The following GATM variants were observed in gnomAD, a reference collection of about 807,000 sequenced individuals.
The protein encoded by GATM is glycine amidinotransferase, mitochondrial.
GATM carries 23 observed loss-of-function variants against 54.2 expected under a neutral mutation model. The ratio of observed to expected loss-of-function variants is 0.42; its 90% CI spans 0.31 to 0.60. GATM has a LOEUF of 0.60. GATM is among the 20% of genes least tolerant of loss of function. GATM has a pLI of 0.14. For synonymous variants in GATM, 168 were observed against 183.1 expected (o/e 0.92, Z 0.67); for missense variants, 401 against 544.9 (o/e 0.74, Z 2.63).
chr15:45,389,526 C>T lies in GATM; in HGVS notation c.-319+7396G>A, dbSNP rs551449533. ...TGGCACAATCTGGGCTCACTGCAAG[C>T]TCCACCTCCCAGGCTGAAGTGATCC... On this transcript the variant is annotated intron_variant, in intron 3 of 4. Coordinates refer to the GATM transcript ENST00000561148. Among the ~76,000 whole-genome samples the T allele has an allele frequency of 4.6e-5, 7 of 152,334 alleles. No homozygotes were observed. The East Asian group carries it at 1.4e-3, about 29-fold the overall frequency.
Position 45,363,114 on chromosome 15 carries a change from A to C in GATM, c.1159+786T>G, listed in dbSNP as rs1211412142. On this transcript the variant is annotated intron_variant, in intron 8 of 8. Coordinates refer to ENST00000396659, the MANE Select transcript of GATM (RefSeq NM_001482.3). ...CCTGGCCAAGCCCCTCTCTACTAAA[A>C]ATACAAAATTAGCCAGGCATGGTGG... Among the ~76,000 whole-genome samples the C allele has an allele frequency of 2.0e-5, 3 of 152,110 alleles. No homozygotes were observed. The East Asian group carries it at 5.8e-4, about 29-fold the overall frequency.
At chr15:45,367,471 A>T (rs971555557) in intron 4 of GATM, among the ~76,000 whole-genome samples, 2 of 152,226 alleles carry the variant, frequency 1.3e-5, no homozygotes, top group Non-Finnish European at 2.9e-5. Flanking sequence ...CTTAACTCAT[A>T]CCATAAAACG....
In GATM at chr15:45,393,653, C is replaced by T. The variant is rs141535317; in HGVS notation, c.-319+3269G>A. On this transcript the variant is annotated intron_variant, in intron 3 of 4. Transcript: ENST00000561148. Reference sequence around the variant, plus strand: ...ATGAACATCATACAGGTTGAGTATCCCTTATCTGAAGTGCTTGGGACCAGA... The same window carrying T: ...ATGAACATCATACAGGTTGAGTATCTCTTATCTGAAGTGCTTGGGACCAGA... 5.4e-3 allele frequency among the ~76,000 whole-genome samples: 829 copies of T among 152,118 alleles called. 8 individuals are homozygous for T. The highest frequency in any genetic ancestry group is 7.1e-3 in the Non-Finnish European group (482 of 67,982).
chr15:45,389,704 A>T (rs985482309), intron 3 of GATM, among the ~76,000 whole-genome samples: 1 of 152,182 alleles, frequency 6.6e-6, no homozygotes, highest in African/African-American at 2.4e-5. Flanking sequence ...GTAGTGGTAC[A>T]GAAAGTCTCA....
chr15:45,394,259 T>C (rs931954893), intron 3 of GATM, among the ~76,000 whole-genome samples: 8 of 152,180 alleles, frequency 5.3e-5, no homozygotes, highest in Admixed American at 1.3e-4. Context: ...GCAGAGGATC[T>C]AGGTTGTGCG....
rs748841641 is a variant in GATM at position 45,366,060 on chromosome 15, G to T, written c.964C>A (p.Arg322=). The change falls in exon 6 of 9, where the codon CGA becomes AGA. Residue 322 remains arginine (R), a synonymous_variant. Transcript: ENST00000396659. ...GPGIVLSNPD[R]PCHQIDLFKK... Reference sequence around the variant, plus strand: ...AAATCTCTTACCTGGTGACATGGTCGGTCAGGGTTGGAAAGCACAATACCA... The same window carrying T: ...AAATCTCTTACCTGGTGACATGGTCTGTCAGGGTTGGAAAGCACAATACCA... 8.7e-6 allele frequency: 14 copies of T among 1,614,048 alleles called. No individual in the cohort carries two copies. In the East Asian group the frequency reaches 1.3e-4, roughly 15 times the overall value.
Position 45,361,668 on chromosome 15 carries a change from AT to A in GATM, c.*440del, listed in dbSNP as rs923874055. 8.5e-5 allele frequency: 30 copies of A among 353,496 alleles called. No homozygotes were observed. Among genetic ancestry groups the A allele is most frequent in the African/African-American group, 5.9e-4 (28 of 47,802 alleles). The allele number at this position is 353,496 out of a possible 1,614,324, so 21.9% of individuals were successfully genotyped here. ...AGAAAAAAAGAGATAATCTGATTCT[AT>A]TTTGGATCTGTGTACATTCTAAGTC... On this transcript the variant is annotated 3_prime_UTR_variant, in exon 9 of 9. Coordinates refer to ENST00000396659, the MANE Select transcript of GATM (RefSeq NM_001482.3).
At chr15:45,393,079 T>G (rs1327503014) in intron 3 of GATM, among the ~76,000 whole-genome samples, 1 of 152,254 alleles carries the variant, frequency 6.6e-6, no homozygotes. Context: ...ATCATGATAT[T>G]GTGGTATTCC....
At chr15:45,383,832 A>G (rs1173311678) in intron 3 of GATM, among the ~76,000 whole-genome samples, 2 of 152,140 alleles carry the variant, frequency 1.3e-5, no homozygotes, top group Non-Finnish European at 2.9e-5. Flanking sequence ...ATGAGCCACC[A>G]TGCCCGGCCA....
chr15:45,393,070 T>A (rs959786714), intron 3 of GATM, among the ~76,000 whole-genome samples: 1 of 152,254 alleles, frequency 6.6e-6, no homozygotes, highest in Non-Finnish European at 1.5e-5. Flanking sequence ...AATTTAGTTA[T>A]CATGATATTG....
chr15:45,367,996 G>T, intron 4 of GATM, 74 bp downstream of exon 4: 1 of 1,325,378 alleles, frequency 7.5e-7, no homozygotes, highest in Non-Finnish European at 1.1e-6. Context: ...CAAGGTATCA[G>T]AGAATCTCTA....
intron 3 of GATM, among the ~76,000 whole-genome samples, chr15:45,384,650 C>T (rs1889785590): frequency 6.6e-6 from 1 of 152,140 alleles, no homozygotes; most frequent in South Asian, 2.1e-4. Flanking sequence ...GCTAAAATAG[C>T]TCCACTCACG....
chr15:45,391,732 T>C (rs559666956), intron 3 of GATM, among the ~76,000 whole-genome samples: 18 of 152,362 alleles, frequency 1.2e-4, no homozygotes, highest in Admixed American at 8.5e-4. Context: ...AACAAATTTA[T>C]ATTAGAGTTG....
chr15:45,377,251 A>C (rs773385251), intron 1 of GATM: 1 of 483,400 alleles, frequency 2.1e-6, no homozygotes, highest in East Asian at 6.0e-5. Flanking sequence ...TAAGTATCAA[A>C]GGTTACCAAT....
At chr15:45,371,334 T>G (rs1345587530) in intron 2 of GATM, among the ~76,000 whole-genome samples, 1 of 152,240 alleles carries the variant, frequency 6.6e-6, no homozygotes, top group Non-Finnish European at 1.5e-5. Context: ...TTTTAAGTGT[T>G]TTAATTTAAA....
intron 2 of GATM, among the ~76,000 whole-genome samples, chr15:45,399,081 C>T (rs760470540): frequency 4.6e-5 from 7 of 152,088 alleles, no homozygotes; most frequent in Non-Finnish European, 1.0e-4. Context: ...TGTACCTTTT[C>T]GGGAAAATCT....
chr15:45,372,910 T>C (rs140720392), intron 2 of GATM, among the ~76,000 whole-genome samples: 6 of 152,334 alleles, frequency 3.9e-5, no homozygotes, highest in Non-Finnish European at 7.3e-5. Flanking sequence ...ATTCACCAAG[T>C]TGTTTGCAAG....
In GATM at chr15:45,361,877, A is replaced by G. The variant is rs962304755; in HGVS notation, c.*232T>C. The G allele has an allele frequency of 7.3e-6, 4 of 551,554 alleles. No individual in the cohort carries two copies. Among genetic ancestry groups the G allele is most frequent in the Non-Finnish European group, 1.3e-5 (4 of 312,328 alleles). The allele number at this position is 551,554 out of a possible 1,614,324, so 34.2% of individuals were successfully genotyped here. A position where few individuals can be genotyped will look rare whatever the true frequency, so the allele number is the denominator to read the frequency against. On this transcript the variant is annotated 3_prime_UTR_variant, in exon 9 of 9. Transcript: ENST00000396659. ...CTTGGTACACATTCACCAAAATTTT[A>G]TACTTGAAGCCAAATAGTAAATAAC...
intron 2 of GATM, among the ~76,000 whole-genome samples, chr15:45,398,117 T>C (rs897300796): frequency 1.3e-5 from 2 of 152,252 alleles, no homozygotes; most frequent in Non-Finnish European, 2.9e-5. Flanking sequence ...TTCTTCAATG[T>C]TTGACTTCCC....
Sources: allele counts gnomAD v4.1 joint callset (sites outside exome capture counted in the v4.1 genomes callset), GRCh38; gene constraint gnomAD v4.1.1; transcripts MANE v1.5; gene names NCBI Gene and HGNC (gene_info 2026-07-23, HGNC 2026-07-21).